Variants in LRMDA observed in about 807,000 individuals in gnomAD.
LRMDA encodes leucine-rich melanocyte differentiation-associated protein.
LRMDA carries 18 observed loss-of-function variants against 29.8 expected under a neutral mutation model. The observed-to-expected ratio is 0.60, with a 90% CI of 0.42 to 0.90. The LOEUF (loss-of-function observed/expected upper bound fraction) is 0.90, where lower values mean the gene tolerates loss of function less well. Ranked by LOEUF, LRMDA falls within the 40% of genes least tolerant of loss-of-function variation. The probability of loss-of-function intolerance (pLI) is 0.00; values close to 1 mark genes in which losing one functional copy is unlikely to be tolerated. For missense variants in LRMDA, 273 were observed against 273.9 expected, an observed-to-expected ratio of 1.00 and a Z score of 0.02; for synonymous variants, 125 against 109.4, an observed-to-expected ratio of 1.14 and a Z score of -0.89.
chr10:75,681,402 C>G (rs1158677441), intron 2 of LRMDA, among the ~76,000 whole-genome samples: 1 of 152,202 alleles, frequency 6.6e-6, no homozygotes, highest in Non-Finnish European at 1.5e-5. Context: ...TAAGAAACTA[C>G]CTCATTTATT....
intron 2 of LRMDA, among the ~76,000 whole-genome samples, chr10:75,976,767 A>G (rs1222077143): frequency 6.6e-6 from 1 of 152,212 alleles, no homozygotes; most frequent in Non-Finnish European, 1.5e-5. Context: ...GGGTTTATGA[A>G]TGCAGTAGCT....
At chr10:75,586,009 C>A (rs1157820180) in intron 2 of LRMDA, among the ~76,000 whole-genome samples, 2 of 152,112 alleles carry the variant, frequency 1.3e-5, no homozygotes, top group African/African-American at 4.8e-5. Context: ...AGAATTTCCT[C>A]CCTTTTTTTT....
intron 2 of LRMDA, among the ~76,000 whole-genome samples, chr10:75,666,681 G>A (rs1198816865): frequency 6.6e-6 from 1 of 152,060 alleles, no homozygotes; most frequent in Non-Finnish European, 1.5e-5. Context: ...AGAGTTCATT[G>A]TTTAGGTAGA....
At chr10:76,303,272 T>G (rs1002271897) in intron 5 of LRMDA, among the ~76,000 whole-genome samples, 30 of 149,410 alleles carry the variant, frequency 2.0e-4, no homozygotes, top group Non-Finnish European at 3.7e-4. Flanking sequence ...CTTGGGGAGC[T>G]CCAGTTGAAG....
intron 2 of LRMDA, among the ~76,000 whole-genome samples, chr10:75,662,404 A>C (rs1841765928): frequency 6.6e-6 from 1 of 152,164 alleles, no homozygotes; most frequent in South Asian, 2.1e-4. Context: ...AACACATTAG[A>C]ACTAACCTCC....
Position 75,431,720 on chromosome 10 carries a change from C to G in LRMDA, c.-5C>G. 2 of 1,352,048 alleles carry G rather than the reference C, an allele frequency of 1.5e-6. No individual in the cohort carries two copies. Among genetic ancestry groups the G allele is most frequent in the Non-Finnish European group, 1.9e-6 (2 of 1,049,316 alleles). The allele number at this position is 1,352,048 out of a possible 1,614,324, so 83.8% of individuals were successfully genotyped here. ...GTCCCGCGCGCCCGCAGCGTCCTGG[C>G]CGCCATGGCCGGGCTCGTGGTGCGT... On this transcript the variant is annotated 5_prime_UTR_variant, in exon 1 of 7. Transcript: ENST00000611255.
intron 5 of LRMDA, among the ~76,000 whole-genome samples, chr10:76,073,466 C>T (rs1848906962): frequency 6.6e-6 from 1 of 152,144 alleles, no homozygotes; most frequent in Non-Finnish European, 1.5e-5. Context: ...ATCAAGTTGA[C>T]CTAAGTACTA....
intron 5 of LRMDA, among the ~76,000 whole-genome samples, chr10:76,081,012 G>A (rs1353205455): frequency 1.3e-5 from 2 of 152,204 alleles, no homozygotes; most frequent in African/African-American, 4.8e-5. Context: ...TGTGTTCAGC[G>A]CTTTCACTAA....
intron 2 of LRMDA, among the ~76,000 whole-genome samples, chr10:75,740,988 A>G (rs1164296637): frequency 1.3e-5 from 2 of 152,172 alleles, no homozygotes; most frequent in Non-Finnish European, 2.9e-5. Context: ...AGTCACAAGA[A>G]GATCTCTTAC....
intron 5 of LRMDA, among the ~76,000 whole-genome samples, chr10:76,183,357 T>C (rs542397962): frequency 1.3e-5 from 2 of 152,332 alleles, no homozygotes; most frequent in South Asian, 4.1e-4. Context: ...TAATGAGATA[T>C]TTGCAATGCA....
intron 6 of LRMDA, among the ~76,000 whole-genome samples, chr10:76,547,597 A>T (rs1056524968): frequency 1.3e-5 from 2 of 152,102 alleles, no homozygotes; most frequent in Non-Finnish European, 2.9e-5. Flanking sequence ...GGTGGAAAGG[A>T]TGAATGTAGA....
intron 5 of LRMDA, among the ~76,000 whole-genome samples, chr10:76,160,981 C>T (rs12219113): frequency 0.16 from 24,426 of 152,012 alleles, 2,706 homozygotes; most frequent in East Asian, 0.52. Flanking sequence ...CGCAAGCAAC[C>T]GCAAGGGGTG....
chr10:75,582,959 TA>T (rs1240403484), intron 2 of LRMDA, among the ~76,000 whole-genome samples: 1 of 152,220 alleles, frequency 6.6e-6, no homozygotes, highest in Non-Finnish European at 1.5e-5. Context: ...AGCTCTTTGC[TA>T]AAGCATCACA....
chr10:75,891,102 C>T (rs1315497453), intron 2 of LRMDA, among the ~76,000 whole-genome samples: 2 of 74,856 alleles, frequency 2.7e-5, no homozygotes, highest in Admixed American at 1.6e-4. Flanking sequence ...TAGACTCAGT[C>T]TCACAAAAAA....
chr10:75,606,416 G>A (rs947877883), intron 2 of LRMDA, among the ~76,000 whole-genome samples: 9 of 152,166 alleles, frequency 5.9e-5, no homozygotes, highest in African/African-American at 2.2e-4. Flanking sequence ...AACCAGAAAT[G>A]AAAATAAGTG....
intron 6 of LRMDA, among the ~76,000 whole-genome samples, chr10:76,348,124 A>C (rs922166776): frequency 6.6e-6 from 1 of 152,164 alleles, no homozygotes; most frequent in African/African-American, 2.4e-5. Context: ...CCAGGAATGC[A>C]ACCAATTCAA....
chr10:75,563,912 C>T (rs1034921120), intron 2 of LRMDA, among the ~76,000 whole-genome samples: 28 of 152,248 alleles, frequency 1.8e-4, no homozygotes, highest in African/African-American at 6.3e-4. Context: ...GAGGAGTACC[C>T]GGCCGTGTGA....
intron 6 of LRMDA, among the ~76,000 whole-genome samples, chr10:76,435,562 A>G (rs1842236571): frequency 6.6e-6 from 1 of 152,218 alleles, no homozygotes; most frequent in Non-Finnish European, 1.5e-5. Context: ...AACAAGAAAT[A>G]ACCAAAAGGA....
intron 2 of LRMDA, among the ~76,000 whole-genome samples, chr10:75,650,119 A>T (rs953877474): frequency 1.3e-5 from 2 of 152,132 alleles, no homozygotes; most frequent in African/African-American, 4.8e-5. Flanking sequence ...ATTTTAGTTG[A>T]TGAAGTCTAG....
Sources: gnomAD v4.1 joint callset for allele counts (sites outside exome capture counted in the v4.1 genomes callset) on GRCh38, gnomAD v4.1.1 for gene constraint, MANE v1.5 for transcripts, NCBI Gene and HGNC (gene_info 2026-07-23, HGNC 2026-07-21) for gene names.